CACNA1C: variants seen among roughly 807,000 people sequenced by gnomAD.
CACNA1C encodes calcium voltage-gated channel subunit alpha1 C.
A neutral mutation model predicts 229.0 loss-of-function variants in CACNA1C; 30 were observed. The observed-to-expected ratio is 0.13, with a 90% CI of 0.10 to 0.18. The LOEUF is 0.18. Among genes scored for constraint, CACNA1C ranks in the 10% least tolerant of loss-of-function variants. The pLI is 1.00. For missense variants in CACNA1C, 1,658 were observed against 2,845.0 expected, an observed-to-expected ratio of 0.58 and a Z score of 9.49; for synonymous variants, 1,114 against 1,132.5, an observed-to-expected ratio of 0.98 and a Z score of 0.33.
intron 11 of CACNA1C, among the ~76,000 whole-genome samples, chr12:2,560,933 C>T (rs777451843): frequency 1.4e-4 from 21 of 151,280 alleles, no homozygotes; most frequent in African/African-American, 3.4e-4. Context: ...ATGTTGTCGA[C>T]GATTCCAGAT....
intron 3 of CACNA1C, among the ~76,000 whole-genome samples, chr12:2,255,214 G>A (rs925460221): frequency 1.3e-5 from 2 of 150,304 alleles, no homozygotes; most frequent in Non-Finnish European, 3.0e-5. Context: ...TTTTACTGAG[G>A]TACTGTGAGA....
intron 3 of CACNA1C, among the ~76,000 whole-genome samples, chr12:2,437,735 G>A (rs960892484): frequency 6.6e-6 from 1 of 151,924 alleles, no homozygotes. Flanking sequence ...AGTTTGGATG[G>A]TGGTAATGGG....
chr12:2,474,744 G>A (rs576581082), intron 5 of CACNA1C, among the ~76,000 whole-genome samples: 9 of 107,870 alleles, frequency 8.3e-5, no homozygotes, highest in South Asian at 6.1e-4. Flanking sequence ...CAACAACAGC[G>A]AAACTCCATC....
At chr12:2,117,270 C>CAAATAAATAAATAAATAAATAAAT (rs111273230) in intron 2 of CACNA1C, among the ~76,000 whole-genome samples, 26 of 152,208 alleles carry the variant, frequency 1.7e-4, no homozygotes, top group Admixed American at 5.2e-4. Flanking sequence ...AACTCTGTCT[C>CAAATAAATAAATAAATAAATAAAT]AAATAAATAA....
At chr12:2,189,810 A>G (rs932678201) in intron 3 of CACNA1C, among the ~76,000 whole-genome samples, 1 of 46,364 alleles carries the variant, frequency 2.2e-5, no homozygotes, top group African/African-American at 1.9e-4. Flanking sequence ...AAGAAGAAAG[A>G]AAAAAACTCA....
At chr12:2,049,154 C>A (rs1470933024), upstream of CACNA1C, 1 of 152,214 alleles carries the variant, frequency 6.6e-6, no homozygotes, top group Non-Finnish European at 1.5e-5. Context: ...TATGAATGCA[C>A]TCTAGTTCAT....
At chr12:2,283,051 T>G (rs1158302538) in intron 3 of CACNA1C, among the ~76,000 whole-genome samples, 2 of 151,990 alleles carry the variant, frequency 1.3e-5, no homozygotes, top group African/African-American at 4.8e-5. Context: ...AACAGAGGCT[T>G]TCCCAGAAGT....
chr12:2,160,202 A>G (rs1445935618), intron 3 of CACNA1C, among the ~76,000 whole-genome samples: 1 of 152,200 alleles, frequency 6.6e-6, no homozygotes, highest in Admixed American at 6.5e-5. Flanking sequence ...AGTTGTCAGA[A>G]GTGGTACGTT....
chr12:2,083,117 T>C (rs1464624479), intron 1 of CACNA1C, among the ~76,000 whole-genome samples: 1 of 152,196 alleles, frequency 6.6e-6, no homozygotes, highest in African/African-American at 2.4e-5. Flanking sequence ...AGGTTCTGAT[T>C]ACTGGCTTCT....
intron 3 of CACNA1C, among the ~76,000 whole-genome samples, chr12:2,394,922 C>T (rs960761361): frequency 1.3e-5 from 2 of 152,202 alleles, no homozygotes; most frequent in Non-Finnish European, 2.9e-5. Flanking sequence ...CAATTAGGAT[C>T]CAAATTCTTC....
intron 34 of CACNA1C, among the ~76,000 whole-genome samples, chr12:2,663,423 A>C (rs549466362): frequency 6.6e-6 from 1 of 152,384 alleles, no homozygotes; most frequent in East Asian, 1.9e-4. Flanking sequence ...GATTCCTTAA[A>C]GAACTAAAAG....
intron 3 of CACNA1C, among the ~76,000 whole-genome samples, chr12:2,247,786 C>T (rs1004068340): frequency 1.3e-5 from 2 of 152,206 alleles, no homozygotes; most frequent in Non-Finnish European, 2.9e-5. Flanking sequence ...TCTCTGTCAC[C>T]TCCACTTAGT....
Position 2,595,905 on chromosome 12 carries a change from G to A in CACNA1C, c.2695G>A (p.Asp899Asn), listed in dbSNP as rs772168142. Reference sequence around the variant, plus strand: ...CCTCCAGTGCCACCGCATTGTCAATGACACGATCTTCACCAACCTGATCCT... The same window carrying A: ...CCTCCAGTGCCACCGCATTGTCAATAACACGATCTTCACCAACCTGATCCT... ...FRLQCHRIVN[D>N]TIFTNLILFF... is the part of the protein sequence containing the mutation. The change falls in exon 20 of 47, where the codon GAC (aspartate) becomes AAC (asparagine). Residue 899 changes from aspartate to asparagine, a missense_variant. Asp to Asn is a conservative substitution (Grantham distance 23, BLOSUM62 1). Coordinates refer to ENST00000399655, the MANE Select transcript of CACNA1C (RefSeq NM_000719.7). This position sits in a 1 kb window ranked among gnomAD's most constrained non-coding sequence, Gnocchi z 4.1. 3 of 1,613,656 alleles carry A rather than the reference G, an allele frequency of 1.9e-6. No individual in the cohort carries two copies. The highest frequency in any genetic ancestry group is 8.5e-7 in the Non-Finnish European group (1 of 1,179,828).
At position 2,696,020 on chromosome 12, in the gene CACNA1C, CTCCCTTGGATGG is replaced by C; in HGVS notation, c.*4822_*4833del. ...AGACAAGGAGGGTGCAGTAGAGTGACTCCCTTGGATGGAAGTAGTACCATCAGAACCTACTAT... is the reference window on the plus strand; with the variant it reads ...AGACAAGGAGGGTGCAGTAGAGTGACAAGTAGTACCATCAGAACCTACTAT... On this transcript the variant is annotated 3_prime_UTR_variant, in exon 47 of 47. Transcript: ENST00000399655. 1 of 152,190 alleles carries C rather than the reference CTCCCTTGGATGG, an allele frequency of 6.6e-6. No homozygotes were observed. Among genetic ancestry groups the C allele is most frequent in the Non-Finnish European group, 1.5e-5 (1 of 68,060 alleles). 9.4% of individuals were successfully genotyped at this position (152,190 alleles called of 1,614,324 possible). A position where few individuals can be genotyped will look rare whatever the true frequency, so the allele number is the denominator to read the frequency against.
At chr12:2,228,484 C>A (rs556706288) in intron 3 of CACNA1C, among the ~76,000 whole-genome samples, 8 of 152,272 alleles carry the variant, frequency 5.3e-5, no homozygotes, top group African/African-American at 1.4e-4. Flanking sequence ...TCTGCCTTAC[C>A]TAGTGGCAAT....
At chr12:2,205,131 C>T (rs1013928952) in intron 3 of CACNA1C, among the ~76,000 whole-genome samples, 3 of 152,172 alleles carry the variant, frequency 2.0e-5, no homozygotes, top group African/African-American at 7.2e-5. Flanking sequence ...TGACATTCCT[C>T]CTTCCCTTTC....
chr12:2,010,153 A>T (rs961803086), intron 1 of CACNA1C, among the ~76,000 whole-genome samples: 1 of 152,218 alleles, frequency 6.6e-6, no homozygotes, highest in African/African-American at 2.4e-5. Context: ...TGCATAAGTG[A>T]CAAAGAATAT....
chr12:2,674,334 G>A, intron 38 of CACNA1C: 1 of 710,770 alleles, frequency 1.4e-6, no homozygotes, highest in Non-Finnish European at 2.2e-6. Context: ...AGAGGGAAGG[G>A]GGAAGGAAGG....
chr12:2,679,704 C>T lies in CACNA1C; in HGVS notation c.5352C>T (p.Tyr1784=), dbSNP rs753051498. 1.2e-6 allele frequency: 2 copies of T among 1,611,384 alleles called. No homozygotes were observed. Among genetic ancestry groups the T allele is most frequent in the Admixed American group, 1.7e-5 (1 of 59,668 alleles). ...ALGRLPRPAG[Y]PSTVSTVEGH... The stretch of plus-strand genomic sequence containing the variant: ...GTCGCCTCCCTCGCCCCGCCGGCTA[C>T]CCCAGCACGGTCAGCACTGTGGAGG... Residue 1784 remains tyrosine (Y), a synonymous_variant, in exon 42 of 47, where the codon TAC becomes TAT. Transcript: ENST00000399655. The surrounding 1 kb of genome is among the most constrained non-coding windows in gnomAD (Gnocchi z 5.5).
Sources: gnomAD v4.1 joint callset for allele counts (sites outside exome capture counted in the v4.1 genomes callset) on GRCh38, gnomAD v4.1.1 for gene constraint, Gnocchi (gnomAD v3.1) non-coding constraint, MANE v1.5 for transcripts, NCBI Gene and HGNC (gene_info 2026-07-23, HGNC 2026-07-21) for gene names.